The following ZNF254 variants were observed in gnomAD, a reference collection of about 807,000 sequenced individuals.
ZNF254 encodes zinc finger protein 254, also known as CTD-2017D11.1.
In ZNF254, 10 loss-of-function variants were observed where a neutral mutation model predicts 12.4. The observed-to-expected ratio is 0.80, with a 90% CI of 0.50 to 1.36. ZNF254 has a LOEUF of 1.36. Ranked by LOEUF, ZNF254 falls within the 40% of genes most tolerant of loss-of-function variation. The pLI is 0.00. For missense variants in ZNF254, 996 were observed against 763.9 expected, an observed-to-expected ratio of 1.30 and a Z score of -3.58; for synonymous variants, 305 against 253.4, an observed-to-expected ratio of 1.20 and a Z score of -1.93.
chr19:24,065,313 C>T (rs756619212), intron 2 of ZNF254: 7 of 152,174 alleles, frequency 4.6e-5, no homozygotes, highest in Non-Finnish European at 1.0e-4. Context: ...TCTTCCTATG[C>T]CCTGCTTTCA....
intron 3 of ZNF254, among the ~76,000 whole-genome samples, chr19:24,117,238 G>A (rs890022558): frequency 6.6e-6 from 1 of 152,126 alleles, no homozygotes; most frequent in East Asian, 1.9e-4. Context: ...TGTCAGACAG[G>A]GATATTTAAG....
intron 2 of ZNF254, among the ~76,000 whole-genome samples, chr19:24,058,910 G>A (rs1409558957): frequency 6.6e-6 from 1 of 152,182 alleles, no homozygotes; most frequent in Non-Finnish European, 1.5e-5. Context: ...ACATCTCTGT[G>A]CTCACCACCC....
chr19:24,123,981 T>A (rs1974659844), intron 3 of ZNF254, among the ~76,000 whole-genome samples: 3 of 152,134 alleles, frequency 2.0e-5, no homozygotes, highest in African/African-American at 7.2e-5. Flanking sequence ...TTATATATAT[T>A]GAAATAATTT....
At chr19:24,072,240 C>T (rs1473406368) in intron 2 of ZNF254, among the ~76,000 whole-genome samples, 2 of 151,308 alleles carry the variant, frequency 1.3e-5, no homozygotes, top group Non-Finnish European at 2.9e-5. Context: ...GGCATGATCT[C>T]GGCTCACTGC....
intron 1 of ZNF254, among the ~76,000 whole-genome samples, chr19:24,103,560 TTAAG>T (rs1973156288): frequency 6.6e-6 from 1 of 152,188 alleles, no homozygotes; most frequent in African/African-American, 2.4e-5. Context: ...TTTGTTTTAA[TTAAG>T]TGCCTCATGT....
chr19:24,096,441 C>T (rs1447620000), intron 1 of ZNF254, among the ~76,000 whole-genome samples: 2 of 152,064 alleles, frequency 1.3e-5, no homozygotes, highest in African/African-American at 4.8e-5. Context: ...TATTCAAGTG[C>T]AGGTTGTTTA....
At chr19:24,103,587 C>T (rs1307290385) in intron 1 of ZNF254, among the ~76,000 whole-genome samples, 5 of 152,098 alleles carry the variant, frequency 3.3e-5, no homozygotes, top group Non-Finnish European at 5.9e-5. Flanking sequence ...CTCTCAGGTG[C>T]CAGCATCAAA....
chr19:24,103,416 C>T (rs1336449125), intron 1 of ZNF254, among the ~76,000 whole-genome samples: 1 of 152,160 alleles, frequency 6.6e-6, no homozygotes, highest in Non-Finnish European at 1.5e-5. Flanking sequence ...TTCATAAGCT[C>T]ATTAAAGCTT....
chr19:24,066,757 A>G (rs1017952579), intron 2 of ZNF254: 1 of 152,176 alleles, frequency 6.6e-6, no homozygotes, highest in African/African-American at 2.4e-5. Flanking sequence ...AAAATCAGCC[A>G]GGTGTGGTGA....
rs757610921 is a variant in ZNF254 at position 24,126,879 on chromosome 19, T to G, written c.879T>G (p.Pro293=). The change falls in exon 4 of 4, where the codon CCT becomes CCG. Residue 293 remains proline (P), a synonymous_variant. Transcript: ENST00000357002. ...THKIIHTGEK[P]YKCEECGKAF... is the part of the protein sequence containing the mutation. ...AGATAATTCATACTGGAGAGAAACC[T>G]TACAAGTGTGAAGAATGTGGCAAAG... 5.0e-6 allele frequency: 8 copies of G among 1,612,312 alleles called. No homozygotes were observed. Among genetic ancestry groups the G allele is most frequent in the Admixed American group, 1.7e-5 (1 of 59,800 alleles).
rs74908711 is a variant in ZNF254, at chr19:24,051,145, G to T, written c.-94+4866G>T. Among the ~76,000 whole-genome samples the T allele has an allele frequency of 9.9e-5, 15 of 152,052 alleles. No homozygotes were observed. In the South Asian group the frequency reaches 3.1e-3, roughly 32 times the overall value. The stretch of plus-strand genomic sequence containing the variant: ...GGCACTGTGTCTTATCTCTGAGACC[G>T]TTAATTAGGTAATATAACTTTTATT... On this transcript the variant is annotated intron_variant, in intron 2 of 4. Transcript: ENST00000613065.
chr19:24,120,957 T>C (rs1327861733), intron 3 of ZNF254, among the ~76,000 whole-genome samples: 1 of 152,088 alleles, frequency 6.6e-6, no homozygotes, highest in Non-Finnish European at 1.5e-5. Flanking sequence ...CAGGCTGATC[T>C]GAATCTCCTG....
chr19:24,125,881 G>T (rs545573068), intron 3 of ZNF254, among the ~76,000 whole-genome samples: 4 of 152,124 alleles, frequency 2.6e-5, no homozygotes, highest in African/African-American at 7.2e-5. Context: ...TGATTGTGCC[G>T]GTATTTTACC....
At position 24,126,945 on chromosome 19, in the gene ZNF254, T is replaced by G; in HGVS notation, c.945T>G (p.Ile315Met). ...CAACCCTTACTGAGCATAAGAAAAT[T>G]CATACTAGAAAGAAACCCTACAAGT... is the stretch of plus-strand genomic sequence containing the variant. ...WSSTLTEHKK[I>M]HTRKKPYKCE... is the part of the protein sequence containing the mutation. Residue 315 changes from isoleucine to methionine, a missense_variant, in exon 4 of 4, where the codon ATT (isoleucine) becomes ATG (methionine). Transcript: ENST00000357002. 6.2e-7 allele frequency: 1 copy of G among 1,613,122 alleles called. No homozygotes were observed. The highest frequency in any genetic ancestry group is 1.1e-5 in the South Asian group (1 of 91,062).
chr19:24,049,214 AT>A (rs66491625), intron 2 of ZNF254, among the ~76,000 whole-genome samples: 4,235 of 40,618 alleles, frequency 0.1, 168 homozygotes, highest in Middle Eastern at 0.15. Flanking sequence ...ATATATATAT[AT>A]TTTTTTTTTT....
intron 1 of ZNF254, among the ~76,000 whole-genome samples, chr19:24,042,873 G>A (rs1970231124): frequency 2.0e-5 from 3 of 152,154 alleles, no homozygotes; most frequent in Non-Finnish European, 2.9e-5. Flanking sequence ...TGGCTAAGGT[G>A]TTTTCTGCCA....
intron 3 of ZNF254, among the ~76,000 whole-genome samples, chr19:24,120,152 C>G (rs142529161): frequency 6.6e-6 from 1 of 152,040 alleles, no homozygotes; most frequent in Non-Finnish European, 1.5e-5. Flanking sequence ...AAAGAGCTTG[C>G]GCAGGAAAAC....
chr19:24,112,152 T>TCAG (rs1973725112), intron 3 of ZNF254, among the ~76,000 whole-genome samples: 1 of 142,486 alleles, frequency 7.0e-6, no homozygotes, highest in Non-Finnish European at 1.5e-5. Context: ...GGATCCAGTT[T>TCAG]CAGCTTTCTA....
intron 1 of ZNF254, among the ~76,000 whole-genome samples, chr19:24,044,063 A>G (rs1229197357): frequency 6.6e-6 from 1 of 151,428 alleles, no homozygotes; most frequent in African/African-American, 2.4e-5. Flanking sequence ...ACATGGTGAA[A>G]CCCCATCTCT....
Sources: gnomAD v4.1 joint callset for allele counts (sites outside exome capture counted in the v4.1 genomes callset) on GRCh38, gnomAD v4.1.1 for gene constraint, MANE v1.5 for transcripts, NCBI Gene and HGNC (gene_info 2026-07-23, HGNC 2026-07-21) for gene names.